The following FBXW8 variants were observed in gnomAD, a reference collection of about 807,000 sequenced individuals.
FBXW8 encodes the protein F-box and WD repeat domain containing 8.
In FBXW8, 57 loss-of-function variants were observed where a neutral mutation model predicts 65.3. That is an observed-to-expected ratio of 0.87 (90% confidence interval 0.71 to 1.09). The LOEUF is 1.09. Ranked by LOEUF, FBXW8 falls within the 50% of genes least tolerant of loss-of-function variation. FBXW8 has a pLI of 0.00. For synonymous variants in FBXW8, 308 were observed against 330.2 expected, an observed-to-expected ratio of 0.93 and a Z score of 0.73; for missense variants, 777 against 814.8, an observed-to-expected ratio of 0.95 and a Z score of 0.57.
At chr12:116,968,824 A>C (rs1884480325) in intron 5 of FBXW8, among the ~76,000 whole-genome samples, 1 of 152,210 alleles carries the variant, frequency 6.6e-6, no homozygotes, top group African/African-American at 2.4e-5. Flanking sequence ...AAATTAAAAA[A>C]AAAATGTGTA....
rs373830111 is a variant in FBXW8, at chr12:117,009,854, G to T, written c.1240-469G>T. Among the ~76,000 whole-genome samples, 112 of 152,266 alleles carry T rather than the reference G, an allele frequency of 7.4e-4. 2 individuals are homozygous for T. The South Asian group carries it at 0.021, about 29-fold the overall frequency. The stretch of plus-strand genomic sequence containing the variant: ...AAGGAAGCATCCAGTGGCTATGCAA[G>T]CTTCATCTTCCTGGTCCTTGTACTA... On this transcript the variant is annotated intron_variant, in intron 7 of 10. Transcript: ENST00000652555.
intron 3 of FBXW8, among the ~76,000 whole-genome samples, chr12:116,948,173 A>T (rs1395857879): frequency 6.6e-6 from 1 of 152,244 alleles, no homozygotes; most frequent in Non-Finnish European, 1.5e-5. Flanking sequence ...ATGATTTGCT[A>T]AACTAATTGT....
At chr12:116,960,466 A>T (rs1356588050) in intron 4 of FBXW8, among the ~76,000 whole-genome samples, 1 of 152,240 alleles carries the variant, frequency 6.6e-6, no homozygotes. Context: ...TGTTATTATC[A>T]TACCTTTTGG....
rs766156067 is a variant in FBXW8, at chr12:117,027,443, A to G, written c.1591A>G (p.Asn531Asp). 5 of 1,614,034 alleles carry G rather than the reference A, an allele frequency of 3.1e-6. No individual in the cohort carries two copies. Among genetic ancestry groups the G allele is most frequent in the Non-Finnish European group, 3.4e-6 (4 of 1,180,030 alleles). Residue 531 changes from asparagine (N) to aspartate (D), a missense_variant, in exon 10 of 11, where the codon AAC becomes GAC. Asn to Asp is a conservative substitution (Grantham distance 23, BLOSUM62 1). Transcript: ENST00000652555. ...SFSSHSLITANVPYQTVMRNA... is the reference protein window; with the variant it reads ...SFSSHSLITADVPYQTVMRNA... ...CAGCAGCCACAGCCTCATCACGGCC[A>G]ACGTGCCTTACCAGACGGTAATGCG...
At chr12:117,024,451 C>A in intron 9 of FBXW8, 131 bp downstream of exon 9, 1 of 1,004,412 alleles carries the variant, frequency 1.0e-6, no homozygotes, top group Non-Finnish European at 1.5e-6. Flanking sequence ...CTTACTGTGA[C>A]CCTAGGAGCC....
chr12:117,020,888 A>C (rs1954077640), intron 8 of FBXW8, among the ~76,000 whole-genome samples: 1 of 152,204 alleles, frequency 6.6e-6, no homozygotes, highest in South Asian at 2.1e-4. Context: ...TTTACAGTGG[A>C]ACTGTCAACA....
intron 8 of FBXW8, among the ~76,000 whole-genome samples, chr12:117,023,359 C>G (rs1028603949): frequency 6.6e-6 from 1 of 152,124 alleles, no homozygotes; most frequent in Admixed American, 6.5e-5. Context: ...CACAGGGTCT[C>G]TTAAGCTCAT....
At chr12:117,017,427 C>G (rs923201178) in intron 8 of FBXW8, among the ~76,000 whole-genome samples, 12 of 152,156 alleles carry the variant, frequency 7.9e-5, no homozygotes, top group Non-Finnish European at 4.4e-5. Context: ...ATACAGAGAG[C>G]ACTAAGCTTA....
intron 4 of FBXW8, chr12:116,951,362 C>G (rs1334001075): frequency 6.6e-6 from 1 of 152,184 alleles, no homozygotes; most frequent in Non-Finnish European, 1.5e-5. Context: ...TCTTGAATCC[C>G]TTTTCATTTG....
rs143417252 is a variant in FBXW8 at position 116,990,419 on chromosome 12, C to G, written c.1239+1550C>G. 3.3e-3 allele frequency among the ~76,000 whole-genome samples: 508 copies of G among 152,214 alleles called. 8 individuals carry two copies. The highest frequency in any genetic ancestry group is 1.0e-3 in the Non-Finnish European group (69 of 68,012). ...AGGAATTGTTTCCTAAGGCAGTTTC[C>G]TTTCTCATGCTCTAAAAAAACTTTC... On this transcript the variant is annotated intron_variant, in intron 7 of 10. Transcript: ENST00000652555.
chr12:116,990,181 G>A (rs1326295025), intron 7 of FBXW8, among the ~76,000 whole-genome samples: 2 of 152,178 alleles, frequency 1.3e-5, no homozygotes, highest in East Asian at 1.9e-4. Flanking sequence ...TAGACTAAGC[G>A]GTAGACGATA....
In FBXW8 at chr12:116,936,332, A is replaced by G. The variant is rs1251837732; in HGVS notation, c.423+8205A>G. On this transcript the variant is annotated intron_variant, in intron 2 of 10. Transcript: ENST00000652555. This position sits in a 1 kb window ranked among gnomAD's most constrained non-coding sequence, Gnocchi z 4.6. ...GAAGGTCCAAGTGGGTGGTTGTCGT[A>G]CGCTGAATAATGGCCCTCCCAAATA... is the stretch of plus-strand genomic sequence containing the variant. 6.6e-6 allele frequency among the ~76,000 whole-genome samples: 1 copy of G among 152,242 alleles called. No individual in the cohort carries two copies. Among genetic ancestry groups the G allele is most frequent in the Admixed American group, 6.5e-5 (1 of 15,282 alleles).
At chr12:116,993,596 CT>C (rs1045281636) in intron 7 of FBXW8, among the ~76,000 whole-genome samples, 7 of 151,584 alleles carry the variant, frequency 4.6e-5, no homozygotes, top group African/African-American at 1.7e-4. Flanking sequence ...TTTGTTTTGG[CT>C]TTTTTTTCTG....
intron 2 of FBXW8, among the ~76,000 whole-genome samples, chr12:116,929,418 A>G (rs1881592004): frequency 6.6e-6 from 1 of 151,628 alleles, no homozygotes; most frequent in African/African-American, 2.4e-5. Context: ...TATTTTTAGT[A>G]GAGACACGAT....
rs1883972771 is a variant in FBXW8, at chr12:116,961,316, A to AAGCATTCC, written c.678-3378_678-3371dup. On this transcript the variant is annotated intron_variant, in intron 4 of 10. Coordinates refer to ENST00000652555, the MANE Select transcript of FBXW8 (RefSeq NM_153348.3). The surrounding 1 kb of genome is among the most constrained non-coding windows in gnomAD (Gnocchi z 4.4). The stretch of plus-strand genomic sequence containing the variant: ...GCCCGGCCTGTATCTGCACTTTTTA[A>AAGCATTCC]AGCATTCCAGGCAAATTTAATGTGC... 6.6e-6 allele frequency among the ~76,000 whole-genome samples: 1 copy of AAGCATTCC among 152,260 alleles called. No homozygotes were observed. The highest frequency in any genetic ancestry group is 6.5e-5 in the Admixed American group (1 of 15,298).
chr12:116,919,448 T>C (rs1029169002), intron 1 of FBXW8, among the ~76,000 whole-genome samples: 1 of 152,196 alleles, frequency 6.6e-6, no homozygotes, highest in Admixed American at 6.5e-5. Context: ...GAAGAGGCAA[T>C]GAAATAGGCA....
intron 7 of FBXW8, among the ~76,000 whole-genome samples, chr12:117,001,926 C>G (rs537661251): frequency 2.0e-5 from 3 of 152,360 alleles, no homozygotes; most frequent in African/African-American, 7.2e-5. Flanking sequence ...ATATTCTGCT[C>G]ACTCCACAAA....
intron 10 of FBXW8, among the ~76,000 whole-genome samples, chr12:117,027,801 T>C (rs569366200): frequency 1.3e-5 from 2 of 152,344 alleles, no homozygotes; most frequent in East Asian, 3.9e-4. Flanking sequence ...CCCGCCCTCT[T>C]GAGTCCTTGC....
chr12:116,990,998 A>AC (rs1953225651), intron 7 of FBXW8, among the ~76,000 whole-genome samples: 2 of 152,338 alleles, frequency 1.3e-5, no homozygotes, highest in South Asian at 4.2e-4. Context: ...ACACACACAC[A>AC]AAAAAAGTAT....
Sources: gnomAD v4.1 joint callset for allele counts (sites outside exome capture counted in the v4.1 genomes callset) on GRCh38, gnomAD v4.1.1 for gene constraint, Gnocchi (gnomAD v3.1) non-coding constraint, MANE v1.5 for transcripts, NCBI Gene and HGNC (gene_info 2026-07-23, HGNC 2026-07-21) for gene names.